ZNF521: variants seen among roughly 807,000 people sequenced by gnomAD.
The protein encoded by ZNF521 is zinc finger protein 521, also known as LYST-interacting protein 3.
Under a neutral mutation model 105.5 loss-of-function variants are expected in ZNF521, and 14 were observed. The ratio of observed to expected loss-of-function variants is 0.13; its 90% CI spans 0.09 to 0.21. The LOEUF (loss-of-function observed/expected upper bound fraction) is 0.21. ZNF521 is among the 10% of genes least tolerant of loss of function. ZNF521 has a pLI of 1.00. For missense variants in ZNF521, 1,233 were observed against 1,629.7 expected, an observed-to-expected ratio of 0.76 and a Z score of 4.19; for synonymous variants, 635 against 606.0, an observed-to-expected ratio of 1.05 and a Z score of -0.70.
chr18:25,164,123 A>T (rs2035296414), intron 5 of ZNF521, among the ~76,000 whole-genome samples: 1 of 152,186 alleles, frequency 6.6e-6, no homozygotes, highest in Non-Finnish European at 1.5e-5. Context: ...AACAATTGGT[A>T]TTTGTTCTAG....
chr18:25,142,869 C>T (rs1283733474), intron 5 of ZNF521, among the ~76,000 whole-genome samples: 3 of 152,104 alleles, frequency 2.0e-5, no homozygotes, highest in South Asian at 2.1e-4. Flanking sequence ...TAAGAGATTC[C>T]TATTTCACAT....
intron 5 of ZNF521, among the ~76,000 whole-genome samples, chr18:25,150,379 A>G (rs1265366022): frequency 2.6e-5 from 4 of 152,158 alleles, no homozygotes; most frequent in Non-Finnish European, 5.9e-5. Flanking sequence ...TATCACCCCT[A>G]AAGAACTTAC....
intron 3 of ZNF521, among the ~76,000 whole-genome samples, chr18:25,295,952 C>A (rs1372883277): frequency 6.6e-6 from 1 of 152,214 alleles, no homozygotes; most frequent in Non-Finnish European, 1.5e-5. Flanking sequence ...GCAACACTTA[C>A]AATTGTCACA....
chr18:25,096,933 C>T (rs981523262), intron 5 of ZNF521, among the ~76,000 whole-genome samples: 2 of 152,176 alleles, frequency 1.3e-5, no homozygotes, highest in Non-Finnish European at 2.9e-5. Flanking sequence ...AAATGCCCTA[C>T]AGTTGTAACT....
chr18:25,345,327 T>C (rs1344103605), intron 2 of ZNF521: 1 of 152,216 alleles, frequency 6.6e-6, no homozygotes, highest in Non-Finnish European at 1.5e-5. Context: ...TACAGTGGTT[T>C]TTAAAGGATA....
chr18:25,096,528 C>A (rs1225581899), intron 5 of ZNF521, among the ~76,000 whole-genome samples: 1 of 152,118 alleles, frequency 6.6e-6, no homozygotes, highest in Non-Finnish European at 1.5e-5. Context: ...CAAGAGAAAC[C>A]CTTTAAGCAG....
chr18:25,095,195 T>A (rs1178007338), intron 5 of ZNF521, among the ~76,000 whole-genome samples: 22 of 152,192 alleles, frequency 1.4e-4, no homozygotes, highest in Admixed American at 1.4e-3. Context: ...TGCTGTTTTA[T>A]TTTTAAAGCC....
intron 5 of ZNF521, among the ~76,000 whole-genome samples, chr18:25,169,748 G>A (rs2035414193): frequency 6.6e-6 from 1 of 152,160 alleles, no homozygotes; most frequent in Non-Finnish European, 1.5e-5. Flanking sequence ...GGGGAATAGA[G>A]TGTGGAGGAT....
At chr18:25,079,291 T>G (rs180757086) in intron 7 of ZNF521, among the ~76,000 whole-genome samples, 11 of 152,154 alleles carry the variant, frequency 7.2e-5, no homozygotes, top group Non-Finnish European at 1.6e-4. Context: ...CAGCACAGGG[T>G]TGGTTAGTTT....
At chr18:25,121,129 T>TTG (rs2034433289) in intron 5 of ZNF521, among the ~76,000 whole-genome samples, 1 of 149,286 alleles carries the variant, frequency 6.7e-6, no homozygotes, top group South Asian at 2.2e-4. Context: ...TTTTTTTTTT[T>TTG]GAGACAGAGT....
chr18:25,291,861 C>T (rs1393195317), intron 3 of ZNF521, among the ~76,000 whole-genome samples: 1 of 152,036 alleles, frequency 6.6e-6, no homozygotes. Flanking sequence ...CTAGATACAA[C>T]TGTACTTGAA....
intron 3 of ZNF521, among the ~76,000 whole-genome samples, chr18:25,310,614 G>T (rs897234514): frequency 1.3e-5 from 2 of 152,008 alleles, no homozygotes; most frequent in Admixed American, 1.3e-4. Flanking sequence ...ATAGAATATT[G>T]TTGTGTTTAA....
At chr18:25,103,843 G>A (rs1240385033) in intron 5 of ZNF521, among the ~76,000 whole-genome samples, 7 of 151,758 alleles carry the variant, frequency 4.6e-5, no homozygotes, top group African/African-American at 1.7e-4. Flanking sequence ...AGGGAGGAAG[G>A]GAGGAAGGAA....
intron 3 of ZNF521, among the ~76,000 whole-genome samples, chr18:25,281,176 T>C (rs1910356287): frequency 2.0e-5 from 3 of 152,212 alleles, no homozygotes; most frequent in African/African-American, 4.8e-5. Context: ...TTGCATGGTA[T>C]TTGATCTGCA....
chr18:25,148,215 A>G (rs930364405), intron 5 of ZNF521, among the ~76,000 whole-genome samples: 10 of 152,350 alleles, frequency 6.6e-5, no homozygotes, highest in Admixed American at 2.6e-4. Flanking sequence ...ACTTGATTCA[A>G]TTAGTAGGGC....
chr18:25,245,045 T>C (rs774276869), intron 3 of ZNF521, among the ~76,000 whole-genome samples: 11 of 152,232 alleles, frequency 7.2e-5, no homozygotes, highest in Non-Finnish European at 1.3e-4. Context: ...GCATTTTAAC[T>C]GGTGGTTTTG....
chr18:25,351,016 GC>G, intron 1 of ZNF521, 69 bp from the exon 2 acceptor site: 1 of 1,302,746 alleles, frequency 7.7e-7, no homozygotes, highest in Middle Eastern at 2.8e-4. Context: ...GTGGCCGCGC[GC>G]CCCTCGGGCC....
chr18:25,140,365 CA>C (rs1422288289), intron 5 of ZNF521, among the ~76,000 whole-genome samples: 1 of 152,138 alleles, frequency 6.6e-6, no homozygotes, highest in Non-Finnish European at 1.5e-5. Flanking sequence ...ATTATATTGT[CA>C]GAGAAAACGT....
chr18:25,303,977 G>A (rs1286326079), intron 3 of ZNF521, among the ~76,000 whole-genome samples: 2 of 152,080 alleles, frequency 1.3e-5, no homozygotes, highest in African/African-American at 2.4e-5. Context: ...CATGAGCACC[G>A]ACAGAGGATT....
Sources: allele counts gnomAD v4.1 joint callset (sites outside exome capture counted in the v4.1 genomes callset), GRCh38; gene constraint gnomAD v4.1.1; transcripts MANE v1.5; gene names NCBI Gene and HGNC (gene_info 2026-07-23, HGNC 2026-07-21).